SSUH2: variants seen among roughly 807,000 people sequenced by gnomAD.
SSUH2 encodes protein SSUH2 homolog.
Under a neutral mutation model 55.3 loss-of-function variants are expected in SSUH2, and 47 were observed. That is an observed-to-expected ratio of 0.85 (90% CI 0.67 to 1.08). SSUH2 has a LOEUF of 1.08. SSUH2 is among the 50% of genes least tolerant of loss of function. SSUH2 has a pLI of 0.00. For missense variants in SSUH2, 535 were observed against 490.7 expected (o/e 1.09, Z -0.85); for synonymous variants, 212 against 191.5 (o/e 1.11, Z -0.89).
At position 8,676,695 on chromosome 3, in the gene SSUH2, TTCACAGGCTGGGTGAACACAGCCTGCGA is replaced by T. The variant is rs1365429234; in HGVS notation, c.-753+483_-753+510del. On this transcript the variant is annotated intron_variant, in intron 3 of 18. Coordinates refer to the SSUH2 transcript ENST00000317371. ...TCCCTTTCAGGATATTAATAACAAT[TTCACAGGCTGGGTGAACACAGCCTGCGA>T]TGCTGGAATTACTATCATTCTCTCC... 2.7e-5 allele frequency among the ~76,000 whole-genome samples: 4 copies of T among 145,978 alleles called. 1 individual carries two copies. Among genetic ancestry groups the T allele is most frequent in the African/African-American group, 5.0e-5 (2 of 40,358 alleles).
chr3:8,622,057 G>T (rs539023619), intron 11 of SSUH2, among the ~76,000 whole-genome samples: 1 of 152,202 alleles, frequency 6.6e-6, no homozygotes, highest in African/African-American at 2.4e-5. Flanking sequence ...TTATCTGTCT[G>T]TGCAGCTGAG....
chr3:8,653,932 G>C (rs975492062), intron 7 of SSUH2, among the ~76,000 whole-genome samples: 1 of 152,212 alleles, frequency 6.6e-6, no homozygotes, highest in Admixed American at 6.5e-5. Flanking sequence ...TCCCCTGCCT[G>C]TAACAGCATG....
At chr3:8,666,080 T>C (rs942153218) in intron 5 of SSUH2, among the ~76,000 whole-genome samples, 15 of 152,206 alleles carry the variant, frequency 9.9e-5, no homozygotes, top group Non-Finnish European at 1.6e-4. Context: ...AGACTGAACA[T>C]GTGAGAAAGG....
Position 8,627,715 on chromosome 3 carries a change from C to T in SSUH2, c.657G>A (p.Ala219=), listed in dbSNP as rs145642860. The T allele has an allele frequency of 4.8e-5, 77 of 1,605,316 alleles. No homozygotes were observed. The highest frequency in any genetic ancestry group is 6.0e-5 in the Non-Finnish European group (71 of 1,175,858). ...GCCCCTACCTTCGCCTGCCGGACCC[C>T]GCGCACAGCTGACATCTCCGGGACT... ...AKQSRRCQLC[A]GSGRRRCSTC... is the part of the protein sequence containing the mutation. The change falls in exon 8 of 12, where the codon GCG becomes GCA. Residue 219 remains alanine (A), a synonymous_variant. Transcript: ENST00000544814.
intron 10 of SSUH2, among the ~76,000 whole-genome samples, chr3:8,624,177 C>G (rs1424359690): frequency 1.3e-5 from 2 of 152,192 alleles, no homozygotes; most frequent in Admixed American, 1.3e-4. Flanking sequence ...GGCTTGAAAG[C>G]CTTCCACATA....
chr3:8,681,196 A>C (rs1234735431), intron 1 of SSUH2, among the ~76,000 whole-genome samples: 8 of 144,720 alleles, frequency 5.5e-5, no homozygotes. Context: ...GCGGGGAATG[A>C]GAGCCAGCCC....
chr3:8,674,285 T>C (rs1436230674), intron 3 of SSUH2, among the ~76,000 whole-genome samples: 4 of 152,098 alleles, frequency 2.6e-5, no homozygotes, highest in African/African-American at 7.2e-5. Flanking sequence ...AGTGTGCTTA[T>C]TGGAAAGAAA....
At chr3:8,650,656 A>G (rs1022619368) in intron 7 of SSUH2, among the ~76,000 whole-genome samples, 6 of 152,254 alleles carry the variant, frequency 3.9e-5, no homozygotes, top group Non-Finnish European at 5.9e-5. Flanking sequence ...TTATAGGAAC[A>G]GCAGGAAGGA....
chr3:8,650,910 T>C (rs1199111930), intron 7 of SSUH2, among the ~76,000 whole-genome samples: 5 of 152,330 alleles, frequency 3.3e-5, no homozygotes, highest in African/African-American at 1.2e-4. Flanking sequence ...CTGTCCTCAC[T>C]GGGCTAGAAA....
Position 8,626,307 on chromosome 3 carries a change from G to T in SSUH2, c.689C>A (p.Ser230Ter), listed in dbSNP as rs758953371. Reference sequence around the variant, plus strand: ...GGCGCAGGTCTTGTTCCCTCTCCCTGAGCAAGTGCTGCATCTGAGAAAGGC... The same window carrying T: ...GGCGCAGGTCTTGTTCCCTCTCCCTTAGCAAGTGCTGCATCTGAGAAAGGC... ...GSGRRRCSTC[S>*]GRGNKTCATC... is the part of the protein sequence containing the mutation. The change falls in exon 9 of 12, where the codon TCA becomes TAA. Residue 230 changes from serine (S) to a stop codon, truncating the protein, a stop_gained. Coordinates refer to ENST00000544814, the MANE Select transcript of SSUH2 (RefSeq NM_001256748.3). LOFTEE classifies it high-confidence loss of function. The T allele has an allele frequency of 2.4e-5, 38 of 1,613,846 alleles. No homozygotes were observed. The highest frequency in any genetic ancestry group is 5.3e-5 in the African/African-American group (4 of 74,888).
At chr3:8,679,457 C>CT (rs1705798677) in intron 2 of SSUH2, among the ~76,000 whole-genome samples, 1 of 138,204 alleles carries the variant, frequency 7.2e-6, no homozygotes, top group Non-Finnish European at 1.6e-5. Context: ...GGGGGAGGCA[C>CT]CCCCCGGGAG....
chr3:8,633,664 A>G lies in SSUH2; in HGVS notation c.339+2T>C. Reference sequence around the variant, plus strand: ...GGCCCCCCACCGGCCCTGGCCTCTCACCCTGCAGAGGGTCTGCCGCTTCAG... The same window carrying G: ...GGCCCCCCACCGGCCCTGGCCTCTCGCCCTGCAGAGGGTCTGCCGCTTCAG... On this transcript the variant is annotated splice_donor_variant, in intron 4 of 11. Coordinates refer to ENST00000544814, the MANE Select transcript of SSUH2 (RefSeq NM_001256748.3). LOFTEE classifies it high-confidence loss of function. 6.6e-7 allele frequency: 1 copy of G among 1,512,692 alleles called. No individual in the cohort carries two copies. 93.7% of individuals were successfully genotyped at this position (1,512,692 alleles called of 1,614,324 possible).
At chr3:8,679,048 C>CA (rs1306108642) in intron 2 of SSUH2, among the ~76,000 whole-genome samples, 2 of 98,178 alleles carry the variant, frequency 2.0e-5, no homozygotes, top group Non-Finnish European at 4.6e-5. Flanking sequence ...ACACCAAACG[C>CA]AGGGGAGGAA....
chr3:8,663,840 T>C, intron 5 of SSUH2: 1 of 456,746 alleles, frequency 2.2e-6, no homozygotes, highest in Non-Finnish European at 4.4e-6. Context: ...GGAAAAATTC[T>C]TAGTAATGAT....
rs150296071 is a variant in SSUH2 at position 8,620,680 on chromosome 3, A to C, written c.982-666T>G. On this transcript the variant is annotated intron_variant, in intron 11 of 11. Coordinates refer to ENST00000544814, the MANE Select transcript of SSUH2 (RefSeq NM_001256748.3). ...CCCAGGGGAGTTCCAGGGTGTACGGAAAGTCACCAACCAAGTAGGACAACT... is the reference window on the plus strand; with the variant it reads ...CCCAGGGGAGTTCCAGGGTGTACGGCAAGTCACCAACCAAGTAGGACAACT... 3.9e-3 allele frequency among the ~76,000 whole-genome samples: 591 copies of C among 152,328 alleles called. 4 individuals carry two copies. The highest frequency in any genetic ancestry group is 0.014 in the African/African-American group (568 of 41,568).
At chr3:8,638,568 G>A (rs1469373121) in intron 1 of SSUH2, among the ~76,000 whole-genome samples, 4 of 152,156 alleles carry the variant, frequency 2.6e-5, no homozygotes, top group Non-Finnish European at 4.4e-5. Flanking sequence ...CAGGCTCTCT[G>A]CATGATGTGA....
chr3:8,645,862 T>C (rs1380606462), upstream of SSUH2, among the ~76,000 whole-genome samples: 1 of 152,214 alleles, frequency 6.6e-6, no homozygotes, highest in Non-Finnish European at 1.5e-5. Context: ...CCCTCGTCAC[T>C]GACTGCCCAT....
In SSUH2 at chr3:8,678,568, GA is replaced by G. The variant is rs1201909335; in HGVS notation, c.-901+1136del. 5.2e-5 allele frequency among the ~76,000 whole-genome samples: 6 copies of G among 114,466 alleles called. No homozygotes were observed. The South Asian group carries it at 9.9e-4, about 19-fold the overall frequency. The allele number at this position is 114,466 out of a possible 152,430, so 75.1% of individuals were successfully genotyped here. On this transcript the variant is annotated intron_variant, in intron 2 of 18. Coordinates refer to the SSUH2 transcript ENST00000317371. ...CATGGCTCTTAGGACCCCAATCACA[GA>G]GGGGGGAACACCCCCCGCGAGGCAG...
At chr3:8,622,279 T>A (rs1696607005) in intron 11 of SSUH2, among the ~76,000 whole-genome samples, 1 of 152,150 alleles carries the variant, frequency 6.6e-6, no homozygotes. Context: ...TACTCCTTTT[T>A]AAAGAAAAAT....
Sources: gnomAD v4.1 joint callset for allele counts (sites outside exome capture counted in the v4.1 genomes callset) on GRCh38, gnomAD v4.1.1 for gene constraint, MANE v1.5 for transcripts, NCBI Gene and HGNC (gene_info 2026-07-23, HGNC 2026-07-21) for gene names.